Variants in INO80 observed in about 807,000 individuals in gnomAD.
The protein encoded by INO80 is INO80 complex ATPase subunit.
A neutral mutation model predicts 203.4 loss-of-function variants in INO80; 20 were observed. The ratio of observed to expected loss-of-function variants is 0.10; its 90% confidence interval spans 0.07 to 0.14. INO80 has a LOEUF of 0.14. Ranked by LOEUF, INO80 falls within the 10% of genes least tolerant of loss-of-function variation. The pLI, the probability that INO80 is intolerant of heterozygous loss-of-function variation, is 1.00. For synonymous variants in INO80, 726 were observed against 685.2 expected (o/e 1.06, Z -0.93); for missense variants, 1,419 against 1,914.4 (o/e 0.74, Z 4.83).
chr15:41,050,180 C>G lies in INO80; in HGVS notation c.2275-78G>C. The G allele has an allele frequency of 4.4e-6, 4 of 903,664 alleles. No homozygotes were observed. In the East Asian group the frequency reaches 1.0e-4, roughly 23 times the overall value. The allele number at this position is 903,664 out of a possible 1,614,324, so 56.0% of individuals were successfully genotyped here. A position where few individuals can be genotyped will look rare whatever the true frequency, so the allele number is the denominator to read the frequency against. On this transcript the variant is annotated intron_variant, in intron 19 of 35. Transcript: ENST00000648947. ...CAGCATCAGCTTAAAGTTGAAAACA[C>G]ACACAAACCATATTATGATTGAGAA... is the stretch of plus-strand genomic sequence containing the variant.
chr15:41,010,811 C>T (rs943658076), intron 27 of INO80, among the ~76,000 whole-genome samples: 1 of 152,278 alleles, frequency 6.6e-6, no homozygotes, highest in South Asian at 2.1e-4. Context: ...AACCAGATTT[C>T]ATTTTGATAA....
At chr15:41,042,180 T>A (rs2044679623) in intron 24 of INO80, among the ~76,000 whole-genome samples, 1 of 150,470 alleles carries the variant, frequency 6.6e-6, no homozygotes, top group African/African-American at 2.4e-5. Context: ...ACCCGGCTAA[T>A]TGTTTTTGTA....
At chr15:41,023,652 TCTG>T in intron 25 of INO80, among the ~76,000 whole-genome samples, 1 of 150,652 alleles carries the variant, frequency 6.6e-6, no homozygotes, top group African/African-American at 2.4e-5. Context: ...GCCTGTAATC[TCTG>T]CTACTCTGGA....
At chr15:41,077,244 A>G (rs2045418922) in intron 9 of INO80, among the ~76,000 whole-genome samples, 1 of 149,866 alleles carries the variant, frequency 6.7e-6, no homozygotes, top group African/African-American at 2.5e-5. Flanking sequence ...AAAAAAGAGC[A>G]TTATTGGTCC....
At position 41,115,600 on chromosome 15, in the gene INO80, G is replaced by T. The variant is rs577918398; in HGVS notation, c.-44+373C>A. On this transcript the variant is annotated intron_variant, in intron 1 of 35. Coordinates refer to ENST00000648947, the MANE Select transcript of INO80 (RefSeq NM_017553.3). ...CGGGGTTCCCACTCAAGGCCTTCCA[G>T]CCTCCGCCCTGCCCCTGCCCACCCC... Among the ~76,000 whole-genome samples, 35 of 152,230 alleles carry T rather than the reference G, an allele frequency of 2.3e-4. No individual in the cohort carries two copies. In the South Asian group the frequency reaches 3.5e-3, roughly 15 times the overall value.
At chr15:41,054,352 A>G (rs2044944868) in intron 18 of INO80, among the ~76,000 whole-genome samples, 1 of 152,224 alleles carries the variant, frequency 6.6e-6, no homozygotes, top group Non-Finnish European at 1.5e-5. Flanking sequence ...AAAGGATGTC[A>G]GCAAATTAAC....
intron 12 of INO80, among the ~76,000 whole-genome samples, chr15:41,071,448 C>CTTTTTT (rs747609865): frequency 2.2e-4 from 19 of 87,040 alleles, no homozygotes; most frequent in Non-Finnish European, 3.5e-4. Flanking sequence ...TACTCATTTC[C>CTTTTTT]TTTTTTTTTT....
chr15:41,048,293 T>A lies in INO80; in HGVS notation c.2577-17A>T, dbSNP rs192836335. The A allele has an allele frequency of 0.01, 16,006 of 1,598,056 alleles. 116 individuals carry two copies. Among genetic ancestry groups the A allele is most frequent in the Non-Finnish European group, 0.012 (13,539 of 1,165,964 alleles). On this transcript the variant is annotated splice_polypyrimidine_tract_variant and intron_variant, in intron 21 of 35. Transcript: ENST00000648947. ...CTTAACCACCTGCAAAGTAAGTAAA[T>A]AAAATAAAGCCAAACCCAAACATAA... is the stretch of plus-strand genomic sequence containing the variant.
intron 35 of INO80, among the ~76,000 whole-genome samples, chr15:40,981,377 G>A (rs917786470): frequency 2.0e-5 from 3 of 152,166 alleles, no homozygotes; most frequent in South Asian, 2.1e-4. Context: ...ACCCTGCCAC[G>A]GCAGCCTGGA....
intron 24 of INO80, among the ~76,000 whole-genome samples, chr15:41,035,143 A>C (rs1232302595): frequency 6.6e-6 from 1 of 152,232 alleles, no homozygotes; most frequent in Admixed American, 6.5e-5. Flanking sequence ...AAAACTAGTT[A>C]AGAACTAGTA....
intron 25 of INO80, among the ~76,000 whole-genome samples, chr15:41,024,268 G>T (rs1167400791): frequency 1.3e-5 from 2 of 152,124 alleles, no homozygotes; most frequent in Non-Finnish European, 2.9e-5. Context: ...ATGTCATGTT[G>T]TAAGTATGTA....
chr15:41,105,927 G>A (rs1429772612), intron 1 of INO80, among the ~76,000 whole-genome samples: 2 of 152,034 alleles, frequency 1.3e-5, no homozygotes, highest in Non-Finnish European at 2.9e-5. Context: ...TTTCTCCAAG[G>A]AGCACTAGTT....
chr15:41,050,999 C>T (rs147067996), intron 19 of INO80, among the ~76,000 whole-genome samples: 2,374 of 151,760 alleles, frequency 0.016, 56 homozygotes, highest in African/African-American at 0.054. Context: ...TGTGGTACCA[C>T]GTGCCTCTAA....
At chr15:41,020,220 C>CA (rs1440135848) in intron 26 of INO80, among the ~76,000 whole-genome samples, 104 of 145,052 alleles carry the variant, frequency 7.2e-4, no homozygotes, top group Admixed American at 1.9e-3. Flanking sequence ...GACTCCATCT[C>CA]AAAAAAAAAA....
intron 14 of INO80, among the ~76,000 whole-genome samples, chr15:41,060,312 G>T (rs1006681663): frequency 2.0e-5 from 3 of 152,172 alleles, no homozygotes; most frequent in Non-Finnish European, 4.4e-5. Context: ...AGATAGGCTG[G>T]GCATGGTAGC....
intron 29 of INO80, among the ~76,000 whole-genome samples, chr15:40,992,305 A>G (rs560768219): frequency 2.1e-4 from 32 of 152,372 alleles, no homozygotes; most frequent in Middle Eastern, 6.8e-3. Flanking sequence ...AGTGCAGTTT[A>G]TAACAACCCC....
chr15:41,029,246 G>C (rs1452445008), intron 24 of INO80, among the ~76,000 whole-genome samples: 1 of 152,212 alleles, frequency 6.6e-6, no homozygotes, highest in African/African-American at 2.4e-5. Flanking sequence ...AGGATAATTT[G>C]TTCAGCTCAT....
intron 1 of INO80, among the ~76,000 whole-genome samples, chr15:41,109,706 TG>T (rs2045932262): frequency 6.6e-6 from 1 of 151,000 alleles, no homozygotes; most frequent in Non-Finnish European, 1.5e-5. Context: ...CCGAGGCAGA[TG>T]GATCACCTGA....
At chr15:41,072,285 C>T (rs1488581720) in intron 11 of INO80, among the ~76,000 whole-genome samples, 1 of 151,892 alleles carries the variant, frequency 6.6e-6, no homozygotes, top group African/African-American at 2.4e-5. Context: ...GGGAAGGTCA[C>T]ATTCGTCTAT....
Sources: gnomAD v4.1 joint callset for allele counts (sites outside exome capture counted in the v4.1 genomes callset) on GRCh38, gnomAD v4.1.1 for gene constraint, MANE v1.5 for transcripts, NCBI Gene and HGNC (gene_info 2026-07-23, HGNC 2026-07-21) for gene names.